Variants in TNRC18 observed in about 807,000 individuals in gnomAD.
The protein encoded by TNRC18 is trinucleotide repeat containing 18.
In TNRC18, 69 loss-of-function variants were observed where a neutral mutation model predicts 226.7. The observed-to-expected ratio is 0.30, with a 90% CI of 0.25 to 0.37. TNRC18 has a LOEUF of 0.37. Among genes scored for constraint, TNRC18 ranks in the 10% least tolerant of loss-of-function variants. The pLI is 1.00. For missense variants in TNRC18, 4,754 were observed against 4,256.6 expected, an observed-to-expected ratio of 1.12 and a Z score of -3.25; for synonymous variants, 2,449 against 1,927.6, an observed-to-expected ratio of 1.27 and a Z score of -7.09.
intron 27 of TNRC18, among the ~76,000 whole-genome samples, chr7:5,311,771 T>C (rs1001468591): frequency 2.0e-5 from 3 of 151,114 alleles, no homozygotes; most frequent in African/African-American, 7.3e-5. Context: ...TGAGCCACGA[T>C]GGCACCGCTG....
At chr7:5,325,455 G>A (rs1400148157) in intron 19 of TNRC18, 12 of 542,606 alleles carry the variant, frequency 2.2e-5, no homozygotes, top group Admixed American at 3.9e-5. Flanking sequence ...ACGGAGTCTC[G>A]CTCTGTCACC....
intron 17 of TNRC18, 73 bp from the exon 18 acceptor site, chr7:5,345,883 C>A (rs959774387): frequency 7.4e-6 from 11 of 1,480,124 alleles, no homozygotes; most frequent in Middle Eastern, 3.9e-4. Flanking sequence ...GCCCCCTGGC[C>A]CAGAGTGGCC....
chr7:5,392,825 T>C (rs1399504417), intron 3 of TNRC18, among the ~76,000 whole-genome samples: 4 of 151,944 alleles, frequency 2.6e-5, no homozygotes, highest in African/African-American at 9.7e-5. Context: ...CTGGGACACA[T>C]GGTGAAACCC....
At chr7:5,398,755 C>A (rs1008842268) in intron 2 of TNRC18, among the ~76,000 whole-genome samples, 2 of 151,744 alleles carry the variant, frequency 1.3e-5, no homozygotes, top group Non-Finnish European at 2.9e-5. Flanking sequence ...GTAGCAGGGA[C>A]CACAGGCACA....
At chr7:5,308,988 G>C (rs746667991) in intron 28 of TNRC18, 39 bp from the exon 29 acceptor site, 4 of 1,574,494 alleles carry the variant, frequency 2.5e-6, no homozygotes, top group South Asian at 1.2e-5. Flanking sequence ...GTGAGCCCGG[G>C]GGCTGCTGCA....
chr7:5,330,890 G>A (rs557811541), intron 19 of TNRC18, among the ~76,000 whole-genome samples: 3 of 152,010 alleles, frequency 2.0e-5, no homozygotes, highest in Admixed American at 6.6e-5. Flanking sequence ...GGCCAGGCTG[G>A]TCTCAAACTC....
intron 2 of TNRC18, among the ~76,000 whole-genome samples, chr7:5,403,407 G>A (rs1252246060): frequency 2.0e-5 from 3 of 152,084 alleles, no homozygotes; most frequent in African/African-American, 2.4e-5. Flanking sequence ...TGATCCGCCC[G>A]CCTCGGTCTC....
chr7:5,363,196 G>A (rs772360998), intron 11 of TNRC18, among the ~76,000 whole-genome samples: 7 of 152,266 alleles, frequency 4.6e-5, no homozygotes, highest in Middle Eastern at 3.4e-3. Flanking sequence ...CCAGCTACTC[G>A]GGAGACTAAG....
At chr7:5,351,667 C>A in intron 17 of TNRC18, 152 bp downstream of exon 17, 1 of 810,004 alleles carries the variant, frequency 1.2e-6, no homozygotes, top group Non-Finnish European at 1.9e-6. Context: ...GCTACGCTGC[C>A]AAGAACCCAG....
intron 24 of TNRC18, among the ~76,000 whole-genome samples, chr7:5,317,993 T>TC (rs34788474): frequency 0.014 from 2,151 of 152,160 alleles, 23 homozygotes; most frequent in South Asian, 0.025. Flanking sequence ...TGCCTCAGCC[T>TC]CCCGAGTAGC....
At chr7:5,383,419 A>T (rs1013716896) in intron 5 of TNRC18, among the ~76,000 whole-genome samples, 1 of 152,176 alleles carries the variant, frequency 6.6e-6, no homozygotes, top group Non-Finnish European at 1.5e-5. Context: ...GATGAGAGAG[A>T]GGCGTTTATA....
Position 5,351,829 on chromosome 7 carries a change from C to G in TNRC18, c.5460G>C (p.Ser1820=). Residue 1820 remains serine, a synonymous_variant, in exon 17 of 30, where the codon TCG becomes TCC. Coordinates refer to ENST00000430969, the MANE Select transcript of TNRC18 (RefSeq NM_001080495.3). The part of the protein sequence containing the change: ...RSSFSDSSEE[S]FDQDESSEEE... ...TTTGGAGCTAGTAACCTTGGTCAAA[C>G]GATTCCTCCGAAGAGTCGCTGAAGG... 1 of 1,586,150 alleles carries G rather than the reference C, an allele frequency of 6.3e-7. No homozygotes were observed. The highest frequency in any genetic ancestry group is 2.2e-5 in the East Asian group (1 of 44,550).
intron 16 of TNRC18, 33 bp downstream of exon 16, chr7:5,356,883 C>T (rs1214449465): frequency 1.3e-6 from 2 of 1,486,804 alleles, no homozygotes; most frequent in Non-Finnish European, 9.0e-7. Flanking sequence ...AGAGAAGCAG[C>T]GGACCAGAGG....
At chr7:5,347,923 A>G (rs1263184568) in intron 17 of TNRC18, among the ~76,000 whole-genome samples, 1 of 152,208 alleles carries the variant, frequency 6.6e-6, no homozygotes, top group African/African-American at 2.4e-5. Context: ...ACTGCACTCC[A>G]GCCTAGGTGA....
At chr7:5,354,501 G>T (rs1278939398) in intron 16 of TNRC18, among the ~76,000 whole-genome samples, 1 of 151,898 alleles carries the variant, frequency 6.6e-6, no homozygotes, top group Non-Finnish European at 1.5e-5. Context: ...GAGAGCAAAA[G>T]AAAGCCCCTC....
chr7:5,310,869 T>C (rs892303275), intron 27 of TNRC18, among the ~76,000 whole-genome samples: 5 of 152,274 alleles, frequency 3.3e-5, no homozygotes, highest in Non-Finnish European at 7.3e-5. Flanking sequence ...GCCATGTATA[T>C]GTGCCTGTGT....
At chr7:5,416,898 G>A (rs1250073883) in intron 2 of TNRC18, among the ~76,000 whole-genome samples, 1 of 151,516 alleles carries the variant, frequency 6.6e-6, no homozygotes, top group African/African-American at 2.4e-5. Flanking sequence ...TGCCAAGGCA[G>A]GAGGAGCCCA....
chr7:5,348,214 G>A (rs1385321521), intron 17 of TNRC18, among the ~76,000 whole-genome samples: 5 of 152,198 alleles, frequency 3.3e-5, no homozygotes, highest in Non-Finnish European at 7.3e-5. Context: ...CAGGTGGAAG[G>A]CCTGAGAGAG....
intron 2 of TNRC18, among the ~76,000 whole-genome samples, chr7:5,397,807 A>C (rs1403879986): frequency 6.6e-6 from 1 of 151,954 alleles, no homozygotes; most frequent in Non-Finnish European, 1.5e-5. Context: ...GACCACCCAC[A>C]ACCCCTCGGA....
Sources: allele counts gnomAD v4.1 joint callset (sites outside exome capture counted in the v4.1 genomes callset), GRCh38; gene constraint gnomAD v4.1.1; transcripts MANE v1.5; gene names NCBI Gene and HGNC (gene_info 2026-07-23, HGNC 2026-07-21).